The following CLDN14 variants were observed in gnomAD, a reference collection of about 807,000 sequenced individuals.
CLDN14 encodes claudin 14.
CLDN14 carries 2 observed loss-of-function variants against 2.1 expected under a neutral mutation model. The ratio of observed to expected loss-of-function variants is 0.96; its 90% confidence interval spans 0.39 to 3.01. The LOEUF (loss-of-function observed/expected upper bound fraction) is 3.01. Among genes scored for constraint, CLDN14 ranks in the 30% most tolerant of loss-of-function variants. CLDN14 has a pLI of 0.09. For synonymous variants in CLDN14, 136 were observed against 154.4 expected (o/e 0.88, Z 0.88); for missense variants, 298 against 328.0 (o/e 0.91, Z 0.71).
At chr21:36,517,454 C>T (rs892397660) in intron 1 of CLDN14, among the ~76,000 whole-genome samples, 5 of 152,208 alleles carry the variant, frequency 3.3e-5, no homozygotes, top group African/African-American at 1.2e-4. Context: ...AGTTCACCTT[C>T]TTGATGCTGC....
rs2087078785 is a variant in CLDN14, at chr21:36,499,967, A to G, written c.-82+10396T>C. ...TGCCCCAGCCGCGCACACAGAGTCT[A>G]CCTGTCTTCCAATGCGAGTCCCGCG... On this transcript the variant is annotated intron_variant, in intron 2 of 2. Coordinates refer to the CLDN14 transcript ENST00000342108. The surrounding 1 kb of genome is among the most constrained non-coding windows in gnomAD (Gnocchi z 4.7). Among the ~76,000 whole-genome samples the G allele has an allele frequency of 1.3e-5, 2 of 152,104 alleles. No homozygotes were observed. The highest frequency in any genetic ancestry group is 4.8e-5 in the African/African-American group (2 of 41,438).
At chr21:36,537,248 A>AG (rs2087431226) in intron 1 of CLDN14, among the ~76,000 whole-genome samples, 1 of 151,976 alleles carries the variant, frequency 6.6e-6, no homozygotes, top group African/African-American at 2.4e-5. Context: ...AGAGAGAGAG[A>AG]GAAAAAAAAA....
upstream of CLDN14, among the ~76,000 whole-genome samples, chr21:36,483,233 G>A (rs75430464): frequency 0.012 from 1,772 of 152,322 alleles, 21 homozygotes; most frequent in Non-Finnish European, 0.018. Context: ...TCCTTGCACG[G>A]CCAGGTGGTG....
chr21:36,554,753 C>A (rs448482), intron 1 of CLDN14, among the ~76,000 whole-genome samples: 8 of 151,882 alleles, frequency 5.3e-5, no homozygotes, highest in African/African-American at 1.9e-4. Flanking sequence ...TTAAAGTTCC[C>A]TGAGGGCAGA....
chr21:36,566,162 T>TAAA (rs1222680229), intron 1 of CLDN14, among the ~76,000 whole-genome samples: 1 of 152,236 alleles, frequency 6.6e-6, no homozygotes, highest in Non-Finnish European at 1.5e-5. Context: ...ATGAAATACT[T>TAAA]AAACCAGTTT....
intron 1 of CLDN14, among the ~76,000 whole-genome samples, chr21:36,570,013 G>A (rs753196789): frequency 6.6e-6 from 1 of 152,230 alleles, no homozygotes; most frequent in Non-Finnish European, 1.5e-5. Context: ...TCAGGGTACA[G>A]CTTGCTCTTA....
chr21:36,476,083 G>A (rs79514755), intron 1 of CLDN14, among the ~76,000 whole-genome samples: 3,100 of 152,258 alleles, frequency 0.02, 42 homozygotes, highest in African/African-American at 0.039. Flanking sequence ...CTGAGTGCAG[G>A]CTCTCTTTGG....
rs1003218609 is a variant in CLDN14, at chr21:36,499,894, C to CG, written c.-82+10468dup. 2.6e-5 allele frequency among the ~76,000 whole-genome samples: 4 copies of CG among 152,062 alleles called. No individual in the cohort carries two copies. Among genetic ancestry groups the CG allele is most frequent in the Non-Finnish European group, 4.4e-5 (3 of 67,996 alleles). ...ACATCAGGGGGCTGGTGGAGAAAATCGGGGGGTCTCCGGAGCAACCCCGGG... is the reference window on the plus strand; with the variant it reads ...ACATCAGGGGGCTGGTGGAGAAAATCGGGGGGGTCTCCGGAGCAACCCCGGG... On this transcript the variant is annotated intron_variant, in intron 2 of 2. Transcript: ENST00000342108. The surrounding 1 kb of genome is among the most constrained non-coding windows in gnomAD (Gnocchi z 4.7).
At chr21:36,490,976 A>C (rs1490099218) in intron 2 of CLDN14, among the ~76,000 whole-genome samples, 2 of 147,932 alleles carry the variant, frequency 1.4e-5, no homozygotes, top group Non-Finnish European at 3.0e-5. Context: ...ACACACACAC[A>C]CACACACACA....
intron 1 of CLDN14, among the ~76,000 whole-genome samples, chr21:36,555,456 A>G (rs2087592158): frequency 6.6e-6 from 1 of 152,266 alleles, no homozygotes; most frequent in Non-Finnish European, 1.5e-5. Flanking sequence ...AAGTTGTAAG[A>G]AAACAGGCAG....
intron 1 of CLDN14, chr21:36,466,244 A>G (rs2086644954): frequency 6.6e-6 from 1 of 152,250 alleles, no homozygotes; most frequent in South Asian, 2.1e-4. Flanking sequence ...TCACTTTGGC[A>G]CAATAACTTG....
At chr21:36,481,782 G>T (rs2086846906), upstream of CLDN14, among the ~76,000 whole-genome samples, 2 of 152,140 alleles carry the variant, frequency 1.3e-5, no homozygotes, top group South Asian at 4.2e-4. Flanking sequence ...TGGACCAGAG[G>T]GCAAAGTCAC....
chr21:36,503,438 C>A (rs528337472), intron 2 of CLDN14, among the ~76,000 whole-genome samples: 1 of 152,196 alleles, frequency 6.6e-6, no homozygotes, highest in East Asian at 1.9e-4. Flanking sequence ...GTAATTGAAT[C>A]ATGGGGCCAG....
At chr21:36,521,926 A>T (rs1256280560) in intron 1 of CLDN14, among the ~76,000 whole-genome samples, 1 of 152,208 alleles carries the variant, frequency 6.6e-6, no homozygotes, top group African/African-American at 2.4e-5. Context: ...AGTGTTTTAT[A>T]CAAGAAGGCC....
intron 1 of CLDN14, among the ~76,000 whole-genome samples, chr21:36,533,862 G>A (rs2087402199): frequency 6.6e-6 from 1 of 152,140 alleles, no homozygotes; most frequent in African/African-American, 2.4e-5. Flanking sequence ...TGGGAGGAGG[G>A]AGAGGATCAG....
At chr21:36,490,707 T>C (rs751780582) in intron 2 of CLDN14, among the ~76,000 whole-genome samples, 1 of 152,010 alleles carries the variant, frequency 6.6e-6, no homozygotes, top group Admixed American at 6.6e-5. Flanking sequence ...TCTTTACTTA[T>C]AATTTTTTGT....
chr21:36,504,096 T>C (rs533193119), intron 2 of CLDN14, among the ~76,000 whole-genome samples: 8 of 150,426 alleles, frequency 5.3e-5, no homozygotes, highest in Admixed American at 4.0e-4. Context: ...ACCAGCACTT[T>C]GGGAGGCCAA....
At chr21:36,538,323 C>T (rs2146507660) in intron 1 of CLDN14, among the ~76,000 whole-genome samples, 1 of 152,264 alleles carries the variant, frequency 6.6e-6, no homozygotes, top group African/African-American at 2.4e-5. Flanking sequence ...TCACCACCAC[C>T]ACCACAGTTT....
At chr21:36,558,832 CT>C (rs2087615400) in intron 1 of CLDN14, among the ~76,000 whole-genome samples, 1 of 151,542 alleles carries the variant, frequency 6.6e-6, no homozygotes, top group Admixed American at 6.6e-5. Context: ...GATAATTTTA[CT>C]TCTTTCTTTT....
Sources: allele counts gnomAD v4.1 joint callset (sites outside exome capture counted in the v4.1 genomes callset), GRCh38; gene constraint gnomAD v4.1.1; non-coding constraint Gnocchi (gnomAD v3.1); transcripts MANE v1.5; gene names NCBI Gene and HGNC (gene_info 2026-07-23, HGNC 2026-07-21).